FHIT: variants seen among roughly 807,000 people sequenced by gnomAD.
FHIT encodes bis(5'-adenosyl)-triphosphatase.
In FHIT, 19 loss-of-function variants were observed where a neutral mutation model predicts 17.9. The ratio of observed to expected loss-of-function variants is 1.06; its 90% CI spans 0.74 to 1.56. The LOEUF (loss-of-function observed/expected upper bound fraction) is 1.56. Among genes scored for constraint, FHIT ranks in the 40% most tolerant of loss-of-function variants. The pLI, the probability that FHIT is intolerant of heterozygous loss-of-function variation, is 0.00. For missense variants in FHIT, 248 were observed against 189.2 expected (o/e 1.31, Z -1.82); for synonymous variants, 81 against 69.7 (o/e 1.16, Z -0.81).
rs544564387 is a variant in FHIT, at chr3:59,954,185, AG to A, written c.280-31772del. Among the ~76,000 whole-genome samples, 12 of 150,848 alleles carry A rather than the reference AG, an allele frequency of 8.0e-5. No individual in the cohort carries two copies. In the South Asian group the frequency reaches 1.9e-3, roughly 24 times the overall value. On this transcript the variant is annotated intron_variant, in intron 7 of 9. Transcript: ENST00000492590. ...TGTTTACAGCCACAATAATCATGTA[AG>A]GGAACCCAGCATTTTTCAGAAGTTA...
Position 59,749,551 on chromosome 3 carries a change from TTTGCTGGAA to T in FHIT, c.*25_*33del. The T allele has an allele frequency of 4.3e-6, 1 of 231,514 alleles. No individual in the cohort carries two copies. The highest frequency in any genetic ancestry group is 6.1e-5 in the East Asian group (1 of 16,404). The allele number at this position is 231,514 out of a possible 1,614,324, so 14.3% of individuals were successfully genotyped here. Reference sequence around the variant, plus strand: ...CTTCAAACTGGTTGGCAATAGCTCTTTTGCTGGAATTCAGGATCTGAAAAACATCTTAAG... The same window carrying T: ...CTTCAAACTGGTTGGCAATAGCTCTTTTCAGGATCTGAAAAACATCTTAAG... On this transcript the variant is annotated 3_prime_UTR_variant, in exon 10 of 10. Coordinates refer to ENST00000492590, the MANE Select transcript of FHIT (RefSeq NM_002012.4).
intron 5 of FHIT, among the ~76,000 whole-genome samples, chr3:60,288,818 C>G (rs1011787148): frequency 6.6e-6 from 1 of 151,764 alleles, no homozygotes; most frequent in Admixed American, 6.6e-5. Flanking sequence ...ACAATGAAAC[C>G]CAATGGAAGC....
intron 2 of FHIT, among the ~76,000 whole-genome samples, chr3:61,042,684 C>CA (rs1364143433): frequency 1.1e-4 from 17 of 151,844 alleles, no homozygotes; most frequent in African/African-American, 3.9e-4. Flanking sequence ...ACTAAAAATA[C>CA]AAAAAATTAG....
intron 7 of FHIT, among the ~76,000 whole-genome samples, chr3:59,927,209 A>G (rs549395379): frequency 1.3e-5 from 2 of 152,322 alleles, no homozygotes; most frequent in Non-Finnish European, 2.9e-5. Context: ...AAACGGCCAC[A>G]TATTGTACCA....
intron 8 of FHIT, among the ~76,000 whole-genome samples, chr3:59,905,730 A>G (rs547531523): frequency 6.6e-6 from 1 of 152,354 alleles, no homozygotes; most frequent in South Asian, 2.1e-4. Context: ...AGAAAAGCCT[A>G]TAAAAGAATA....
intron 5 of FHIT, among the ~76,000 whole-genome samples, chr3:60,418,099 G>GC (rs1305313144): frequency 6.6e-6 from 1 of 151,904 alleles, no homozygotes; most frequent in Non-Finnish European, 1.5e-5. Context: ...ATAAAAGGCT[G>GC]CTAATCTGTG....
intron 5 of FHIT, among the ~76,000 whole-genome samples, chr3:60,295,962 A>G (rs1178621891): frequency 6.6e-6 from 1 of 152,052 alleles, no homozygotes; most frequent in East Asian, 1.9e-4. Context: ...TCACGGGGGT[A>G]GTTTCCCTCA....
intron 8 of FHIT, among the ~76,000 whole-genome samples, chr3:59,846,349 C>G (rs1423315239): frequency 6.6e-6 from 1 of 152,080 alleles, no homozygotes; most frequent in African/African-American, 2.4e-5. Flanking sequence ...GCCAGCTTAA[C>G]TTCTATAACA....
chr3:60,835,008 C>G (rs2106834297), intron 3 of FHIT, among the ~76,000 whole-genome samples: 1 of 151,960 alleles, frequency 6.6e-6, no homozygotes, highest in South Asian at 2.1e-4. Flanking sequence ...TCTAAGAACT[C>G]TTTCCCTAGC....
At chr3:60,186,258 A>G (rs1007569745) in intron 5 of FHIT, among the ~76,000 whole-genome samples, 1 of 151,990 alleles carries the variant, frequency 6.6e-6, no homozygotes, top group African/African-American at 2.4e-5. Context: ...ATACTTTTGC[A>G]TTTCACATTT....
Position 60,649,278 on chromosome 3 carries a change from T to C in FHIT, c.-17-112299A>G, listed in dbSNP as rs376713205. Among the ~76,000 whole-genome samples the C allele has an allele frequency of 2.0e-5, 3 of 152,242 alleles. No homozygotes were observed. The East Asian group carries it at 5.8e-4, about 30-fold the overall frequency. ...AGCCGGGCGTGGTGGCGGGCACCTG[T>C]AGTCCCAGCTACTCAGGAGTCTGAG... On this transcript the variant is annotated intron_variant, in intron 4 of 9. Transcript: ENST00000492590.
intron 2 of FHIT, among the ~76,000 whole-genome samples, chr3:61,097,201 G>A (rs1158531071): frequency 6.6e-6 from 1 of 152,114 alleles, no homozygotes; most frequent in Non-Finnish European, 1.5e-5. Flanking sequence ...TCCAACTGAG[G>A]TATCGGGTTC....
chr3:60,098,339 A>G (rs1323867754), intron 5 of FHIT, among the ~76,000 whole-genome samples: 1 of 147,970 alleles, frequency 6.8e-6, no homozygotes, highest in East Asian at 2.0e-4. Flanking sequence ...CCAACAGTGT[A>G]AAAGTGTTCC....
At chr3:60,854,616 C>G (rs752266299) in intron 3 of FHIT, among the ~76,000 whole-genome samples, 25 of 145,942 alleles carry the variant, frequency 1.7e-4, no homozygotes, top group Admixed American at 1.5e-3. Context: ...TTGTCATAGA[C>G]GGCTGCTGGA....
At chr3:59,777,900 G>A (rs571040345) in intron 8 of FHIT, among the ~76,000 whole-genome samples, 2 of 152,198 alleles carry the variant, frequency 1.3e-5, no homozygotes, top group African/African-American at 4.8e-5. Flanking sequence ...AGGTTTCCCC[G>A]GGCTTACAGC....
intron 8 of FHIT, among the ~76,000 whole-genome samples, chr3:59,920,915 T>G (rs974683040): frequency 6.6e-6 from 1 of 152,282 alleles, no homozygotes; most frequent in East Asian, 1.9e-4. Flanking sequence ...TTCCCAAAGG[T>G]AGTCATGCAT....
intron 5 of FHIT, among the ~76,000 whole-genome samples, chr3:60,438,480 C>T (rs2030482016): frequency 6.6e-6 from 1 of 152,120 alleles, no homozygotes; most frequent in Non-Finnish European, 1.5e-5. Flanking sequence ...AATTCTCTGT[C>T]TCTCAGGGTG....
chr3:60,020,085 A>T (rs1700496785), intron 5 of FHIT, among the ~76,000 whole-genome samples: 1 of 152,200 alleles, frequency 6.6e-6, no homozygotes, highest in Non-Finnish European at 1.5e-5. Flanking sequence ...GCCTCATGAA[A>T]CACAGAACCA....
intron 8 of FHIT, among the ~76,000 whole-genome samples, chr3:59,900,623 GT>G (rs11425296): frequency 1.3e-5 from 2 of 151,608 alleles, no homozygotes; most frequent in African/African-American, 4.9e-5. Context: ...GTTGTTGTTT[GT>G]TTTTTTTGAG....
Sources: allele counts gnomAD v4.1 joint callset (sites outside exome capture counted in the v4.1 genomes callset), GRCh38; gene constraint gnomAD v4.1.1; transcripts MANE v1.5; gene names NCBI Gene and HGNC (gene_info 2026-07-23, HGNC 2026-07-21).